Variants in EPG5 observed in about 807,000 individuals in gnomAD.
EPG5 encodes the protein ectopic P granules protein 5 homolog.
EPG5 carries 159 observed loss-of-function variants against 302.7 expected under a neutral mutation model. The ratio of observed to expected loss-of-function variants is 0.53; its 90% CI spans 0.46 to 0.60. The LOEUF (loss-of-function observed/expected upper bound fraction) is 0.60. Ranked by LOEUF, EPG5 falls within the 20% of genes least tolerant of loss-of-function variation. The probability of loss-of-function intolerance (pLI) is 0.00; values close to 1 mark genes in which losing one functional copy is unlikely to be tolerated. For synonymous variants in EPG5, 1,158 were observed against 1,136.8 expected, an observed-to-expected ratio of 1.02 and a Z score of -0.37; for missense variants, 2,896 against 3,092.4, an observed-to-expected ratio of 0.94 and a Z score of 1.51.
intron 25 of EPG5, 149 bp downstream of exon 25, chr18:45,903,824 C>T (rs1198071135): frequency 1.2e-5 from 9 of 751,798 alleles, no homozygotes; most frequent in Non-Finnish European, 1.8e-5. Flanking sequence ...GCAATTTACA[C>T]CATTGTGTAA....
At chr18:45,879,496 T>C (rs1252988637) in intron 32 of EPG5, among the ~76,000 whole-genome samples, 1 of 152,134 alleles carries the variant, frequency 6.6e-6, no homozygotes, top group Non-Finnish European at 1.5e-5. Context: ...GCCTCCTGAG[T>C]AGCTGGGACT....
chr18:45,853,594 C>A (rs896850926), intron 43 of EPG5, among the ~76,000 whole-genome samples: 7 of 152,168 alleles, frequency 4.6e-5, no homozygotes, highest in Admixed American at 4.6e-4. Flanking sequence ...TTTACAGAAA[C>A]CACTGCACTA....
rs772073357 is a variant in EPG5 at position 45,858,552 on chromosome 18, G to A, written c.7226+14C>T. 2.1e-5 allele frequency: 34 copies of A among 1,606,104 alleles called. 3 individuals are homozygous for A. In the South Asian group the frequency reaches 3.7e-4, roughly 18 times the overall value. On this transcript the variant is annotated intron_variant, in intron 41 of 43. Coordinates refer to ENST00000282041, the MANE Select transcript of EPG5 (RefSeq NM_020964.3). ...TACAGCAAGTTTGATGTAACAGCCT[G>A]AGGGCCAACGTACCTTGGGTACACC... is the stretch of plus-strand genomic sequence containing the variant.
chr18:45,831,509 C>T, the EPG5 span, among the ~76,000 whole-genome samples: 3 of 152,152 alleles, frequency 2.0e-5, no homozygotes, highest in Non-Finnish European at 4.4e-5. Flanking sequence ...TGAGCAATGG[C>T]CAGACTGTCA....
At chr18:45,837,307 C>T in the EPG5 span, among the ~76,000 whole-genome samples, 1 of 152,200 alleles carries the variant, frequency 6.6e-6, no homozygotes, top group East Asian at 1.9e-4. Flanking sequence ...GGAGTGCAGG[C>T]CCTGGGGGTG....
At chr18:45,864,300 A>G (rs1483933318) in intron 39 of EPG5, among the ~76,000 whole-genome samples, 1 of 151,886 alleles carries the variant, frequency 6.6e-6, no homozygotes, top group Admixed American at 6.6e-5. Flanking sequence ...TATTTTCTTC[A>G]GTTTTGTTTT....
At chr18:45,898,517 A>T (rs1349741793) in intron 27 of EPG5, among the ~76,000 whole-genome samples, 1 of 152,222 alleles carries the variant, frequency 6.6e-6, no homozygotes, top group East Asian at 1.9e-4. Flanking sequence ...CCTATATTCC[A>T]GTGCAAGAAG....
At chr18:45,873,424 C>T (rs545118043) in intron 35 of EPG5, among the ~76,000 whole-genome samples, 12 of 151,850 alleles carry the variant, frequency 7.9e-5, no homozygotes, top group African/African-American at 2.9e-4. Context: ...GCAGGAGAAT[C>T]GCCTGAACCC....
At chr18:45,932,694 G>A (rs1262931611) in intron 11 of EPG5, among the ~76,000 whole-genome samples, 2 of 152,020 alleles carry the variant, frequency 1.3e-5, no homozygotes, top group Admixed American at 6.6e-5. Context: ...ATTAGAGCAG[G>A]AGGATCAAAT....
chr18:45,904,648 A>C (rs1318972319), intron 24 of EPG5, among the ~76,000 whole-genome samples: 2 of 152,156 alleles, frequency 1.3e-5, no homozygotes, highest in Non-Finnish European at 2.9e-5. Context: ...AAGTAAAGGG[A>C]TAAGGGGAGG....
chr18:45,965,828 CGG>C (rs2051236959), intron 1 of EPG5, among the ~76,000 whole-genome samples: 1 of 151,640 alleles, frequency 6.6e-6, no homozygotes, highest in Non-Finnish European at 1.5e-5. Flanking sequence ...CCAAGATGGG[CGG>C]ATCACCTGAG....
chr18:45,869,461 T>C (rs944218347), intron 36 of EPG5, among the ~76,000 whole-genome samples: 2 of 152,202 alleles, frequency 1.3e-5, no homozygotes, highest in Non-Finnish European at 2.9e-5. Flanking sequence ...GCCATTAGAA[T>C]AAAACTCCTA....
chr18:45,943,353 T>C (rs750238890), intron 8 of EPG5, 42 bp from the exon 9 acceptor site: 3 of 1,527,810 alleles, frequency 2.0e-6, no homozygotes, highest in East Asian at 4.5e-5. Context: ...ATAGTTACTA[T>C]GAAAAAACAT....
At chr18:45,917,999 A>T (rs1385059665) in intron 16 of EPG5, among the ~76,000 whole-genome samples, 180 bp from the exon 17 acceptor site, 2 of 152,176 alleles carry the variant, frequency 1.3e-5, no homozygotes, top group Admixed American at 6.5e-5. Context: ...AGAAACTTAA[A>T]AGTTAATCTT....
At chr18:45,825,238 T>C in the EPG5 span, among the ~76,000 whole-genome samples, 3 of 93,626 alleles carry the variant, frequency 3.2e-5, no homozygotes, top group Non-Finnish European at 6.3e-5. Flanking sequence ...GAGGGAGGAA[T>C]AAGGGAAGGA....
At chr18:45,826,649 C>T in the EPG5 span, among the ~76,000 whole-genome samples, 4 of 152,110 alleles carry the variant, frequency 2.6e-5, no homozygotes, top group African/African-American at 4.8e-5. Flanking sequence ...ACTGTATGCT[C>T]GGCCATCACA....
the EPG5 span, chr18:45,825,852 T>A: frequency 6.3e-7 from 1 of 1,576,600 alleles, no homozygotes. Flanking sequence ...AGGTACAGTC[T>A]CCCCTGGAAG....
chr18:45,920,431 C>T (rs1366836430), intron 16 of EPG5, among the ~76,000 whole-genome samples: 1 of 152,098 alleles, frequency 6.6e-6, no homozygotes, highest in Non-Finnish European at 1.5e-5. Context: ...TGTCTTAGTC[C>T]ATGTTGCACT....
At chr18:45,837,857 C>T in the EPG5 span, 1 of 1,538,682 alleles carries the variant, frequency 6.5e-7, no homozygotes, top group Non-Finnish European at 8.7e-7. Context: ...CGTCCATGAC[C>T]GCTACGAGAG....
Sources: gnomAD v4.1 joint callset for allele counts (sites outside exome capture counted in the v4.1 genomes callset) on GRCh38, gnomAD v4.1.1 for gene constraint, MANE v1.5 for transcripts, NCBI Gene and HGNC (gene_info 2026-07-23, HGNC 2026-07-21) for gene names.